The following C1QTNF3 variants were observed in gnomAD, a reference collection of about 807,000 sequenced individuals.
C1QTNF3 encodes complement C1q tumor necrosis factor-related protein 3.
In C1QTNF3, 26 loss-of-function variants were observed where a neutral mutation model predicts 32.6. That is an observed-to-expected ratio of 0.80 (90% CI 0.58 to 1.11). The LOEUF (loss-of-function observed/expected upper bound fraction) is 1.11, where lower values mean the gene tolerates loss of function less well. Among genes scored for constraint, C1QTNF3 ranks in the 50% least tolerant of loss-of-function variants. C1QTNF3 has a pLI of 0.00. For synonymous variants in C1QTNF3, 155 were observed against 146.0 expected (o/e 1.06, Z -0.44); for missense variants, 362 against 398.2 (o/e 0.91, Z 0.77).
the C1QTNF3 span, among the ~76,000 whole-genome samples, chr5:34,156,922 G>T: frequency 6.6e-6 from 1 of 152,180 alleles, no homozygotes; most frequent in African/African-American, 2.4e-5. Flanking sequence ...TAAATTACTT[G>T]TTCCTAGTCA....
rs1390435262 is a variant in C1QTNF3 at position 34,020,716 on chromosome 5, G to GT, written c.826dup (p.Thr276AsnfsTer15). The GT allele has an allele frequency of 6.2e-7, 1 of 1,613,704 alleles. No homozygotes were observed. The highest frequency in any genetic ancestry group is 8.5e-7 in the Non-Finnish European group (1 of 1,179,764). ...CTTCAGCACAGCATGATTGCTGGAT[G>GT]TATCTGATTTGCCCTTCATTTCATA... On this transcript the variant is annotated frameshift_variant, in exon 6 of 6. Transcript: ENST00000382065. LOFTEE classifies it high-confidence loss of function.
chr5:34,212,679 G>C, the C1QTNF3 span, among the ~76,000 whole-genome samples: 3 of 150,516 alleles, frequency 2.0e-5, no homozygotes, highest in Non-Finnish European at 4.5e-5. Flanking sequence ...GGCCATCAGA[G>C]AAATGCAAAT....
At chr5:34,089,974 A>G in the C1QTNF3 span, among the ~76,000 whole-genome samples, 2 of 152,352 alleles carry the variant, frequency 1.3e-5, no homozygotes, top group South Asian at 4.1e-4. Context: ...ACCCTTGCAT[A>G]GAACATAGTT....
the C1QTNF3 span, among the ~76,000 whole-genome samples, chr5:34,226,223 C>G: frequency 6.6e-6 from 1 of 151,788 alleles, no homozygotes; most frequent in Non-Finnish European, 1.5e-5. Flanking sequence ...CTTCACCCTA[C>G]AAAAGAGAGA....
the C1QTNF3 span, among the ~76,000 whole-genome samples, chr5:34,162,282 A>G: frequency 6.6e-6 from 1 of 152,278 alleles, no homozygotes; most frequent in Admixed American, 6.5e-5. Context: ...AGTAGGCAAA[A>G]GCAAGCTAGC....
chr5:34,092,025 A>G, the C1QTNF3 span, among the ~76,000 whole-genome samples: 1 of 151,164 alleles, frequency 6.6e-6, no homozygotes, highest in South Asian at 2.1e-4. Flanking sequence ...ATCTAAGACA[A>G]ATAGATATTG....
rs1312299429 is a variant in C1QTNF3, at chr5:34,017,961, T to C, written c.*2622A>G. Among the ~76,000 whole-genome samples, 3 of 151,982 alleles carry C rather than the reference T, an allele frequency of 2.0e-5. No homozygotes were observed. Among genetic ancestry groups the C allele is most frequent in the Non-Finnish European group, 2.9e-5 (2 of 68,006 alleles). On this transcript the variant is annotated 3_prime_UTR_variant, in exon 6 of 6. Transcript: ENST00000382065. ...TTCCAAAACAGGAAAGTTAAATAAA[T>C]TATGCAGTCATTAAAATTATGTTTT...
chr5:34,211,531 TCCCTCCC>T, the C1QTNF3 span, among the ~76,000 whole-genome samples: 2 of 115,170 alleles, frequency 1.7e-5, no homozygotes, highest in African/African-American at 6.7e-5. Context: ...CCCAATGCTA[TCCCTCCC>T]CCCTCCCCCC....
intron 3 of C1QTNF3, among the ~76,000 whole-genome samples, chr5:34,030,851 A>G (rs1754594691): frequency 1.3e-5 from 2 of 152,198 alleles, no homozygotes; most frequent in Non-Finnish European, 2.9e-5. Context: ...CAAACACTGC[A>G]TGTTCTCATG....
At chr5:34,031,836 G>A (rs186878293) in intron 3 of C1QTNF3, among the ~76,000 whole-genome samples, 2 of 152,032 alleles carry the variant, frequency 1.3e-5, no homozygotes, top group Admixed American at 1.3e-4. Context: ...AAAACAAAAC[G>A]GCTTTCATTT....
chr5:34,147,064 T>A, the C1QTNF3 span, among the ~76,000 whole-genome samples: 2 of 152,104 alleles, frequency 1.3e-5, no homozygotes, highest in Non-Finnish European at 2.9e-5. Context: ...ACATCACTAA[T>A]CATCAAAGAA....
chr5:34,226,660 C>G, the C1QTNF3 span, among the ~76,000 whole-genome samples: 4 of 151,632 alleles, frequency 2.6e-5, no homozygotes, highest in Admixed American at 2.0e-4. Flanking sequence ...CCCCTCCCCA[C>G]CACCCCAGCA....
rs535438844 is a variant in C1QTNF3, at chr5:34,019,383, A to C, written c.*1200T>G. The C allele has an allele frequency of 3.3e-5, 5 of 152,328 alleles. No homozygotes were observed. The highest frequency in any genetic ancestry group is 7.2e-5 in the African/African-American group (3 of 41,586). The allele number at this position is 152,328 out of a possible 1,614,324, so 9.4% of individuals were successfully genotyped here. A position where few individuals can be genotyped will look rare whatever the true frequency, so the allele number is the denominator to read the frequency against. On this transcript the variant is annotated 3_prime_UTR_variant, in exon 6 of 6. Coordinates refer to ENST00000382065, the MANE Select transcript of C1QTNF3 (RefSeq NM_181435.6). ...CTACAACCAAACCTTGTGTGTCACT[A>C]AGGTGAAAACTTAGAATTTAAGCAT...
At chr5:34,068,792 G>A in the C1QTNF3 span, among the ~76,000 whole-genome samples, 2 of 152,144 alleles carry the variant, frequency 1.3e-5, no homozygotes, top group Non-Finnish European at 2.9e-5. Context: ...TTTACAGAGT[G>A]TAACATTATA....
chr5:34,055,625 C>T, the C1QTNF3 span, among the ~76,000 whole-genome samples: 1 of 152,306 alleles, frequency 6.6e-6, no homozygotes, highest in African/African-American at 2.4e-5. Context: ...AATTTACATT[C>T]CCTGGCTGTA....
chr5:34,244,267 A>G, the C1QTNF3 span, among the ~76,000 whole-genome samples: 2 of 152,174 alleles, frequency 1.3e-5, no homozygotes, highest in African/African-American at 4.8e-5. Context: ...AGTTTTCTGT[A>G]TCTTTGGAAT....
chr5:34,114,068 GAAT>G, the C1QTNF3 span, among the ~76,000 whole-genome samples: 1 of 152,130 alleles, frequency 6.6e-6, no homozygotes, highest in African/African-American at 2.4e-5. Context: ...ATTCTTCAGA[GAAT>G]AATTAAGGAA....
intron 2 of C1QTNF3, among the ~76,000 whole-genome samples, chr5:34,035,188 A>T (rs765402540): frequency 1.3e-5 from 2 of 152,216 alleles, no homozygotes; most frequent in Non-Finnish European, 2.9e-5. Flanking sequence ...ATGTAGCTCC[A>T]GAGCATTCCC....
chr5:34,058,215 T>G, the C1QTNF3 span, among the ~76,000 whole-genome samples: 1 of 152,194 alleles, frequency 6.6e-6, no homozygotes, highest in South Asian at 2.1e-4. Context: ...TCTTTTTTTT[T>G]CAGATCCAAT....
Sources: allele counts gnomAD v4.1 joint callset (sites outside exome capture counted in the v4.1 genomes callset), GRCh38; gene constraint gnomAD v4.1.1; transcripts MANE v1.5; gene names NCBI Gene and HGNC (gene_info 2026-07-23, HGNC 2026-07-21).